Variants in BIRC3 observed in about 807,000 individuals in gnomAD.
BIRC3 encodes the protein baculoviral IAP repeat-containing protein 3.
In BIRC3, 26 loss-of-function variants were observed where a neutral mutation model predicts 59.0. That is an observed-to-expected ratio of 0.44 (90% confidence interval 0.32 to 0.61). BIRC3 has a LOEUF of 0.61. Among genes scored for constraint, BIRC3 ranks in the 20% least tolerant of loss-of-function variants. The probability of loss-of-function intolerance (pLI) is 0.04; values close to 1 mark genes in which losing one functional copy is unlikely to be tolerated. For synonymous variants in BIRC3, 243 were observed against 249.2 expected (o/e 0.98, Z 0.24); for missense variants, 641 against 711.5 (o/e 0.90, Z 1.13).
At chr11:102,331,455 T>C (rs1271157828) in intron 6 of BIRC3, among the ~76,000 whole-genome samples, 2 of 152,210 alleles carry the variant, frequency 1.3e-5, no homozygotes, top group Admixed American at 6.5e-5. Flanking sequence ...TGTACAAAAG[T>C]ATTTTTCATG....
Position 102,324,168 on chromosome 11 carries a change from C to A in BIRC3, c.-342C>A. Reference sequence around the variant, plus strand: ...CTAGTAGCCTGGAGAAGTTGACCTACCTGTGGAGATGCCTGCCATTAAATG... The same window carrying A: ...CTAGTAGCCTGGAGAAGTTGACCTAACTGTGGAGATGCCTGCCATTAAATG... On this transcript the variant is annotated 5_prime_UTR_variant, in exon 2 of 9. It introduces an in-frame stop codon into an upstream open reading frame of the 5' UTR. Transcript: ENST00000263464. The A allele has an allele frequency of 4.1e-6, 1 of 241,350 alleles. No individual in the cohort carries two copies. The highest frequency in any genetic ancestry group is 6.2e-5 in the East Asian group (1 of 16,060). The allele number at this position is 241,350 out of a possible 1,614,324, so 15.0% of individuals were successfully genotyped here. A position where few individuals can be genotyped will look rare whatever the true frequency, so the allele number is the denominator to read the frequency against.
chr11:102,322,843 G>A lies in BIRC3; in HGVS notation c.-1667G>A, dbSNP rs544006888. On this transcript the variant is annotated 5_prime_UTR_variant, in exon 2 of 9. Transcript: ENST00000263464. ...CTTATTGGTCATTGCTAGTATTATC[G>A]ACTCAGAACCTCTTTACTAATGGCT... is the stretch of plus-strand genomic sequence containing the variant. 4.0e-4 allele frequency: 73 copies of A among 184,366 alleles called. No homozygotes were observed. The highest frequency in any genetic ancestry group is 3.2e-3 in the East Asian group (37 of 11,498). The allele number at this position is 184,366 out of a possible 1,614,324, so 11.4% of individuals were successfully genotyped here.
At chr11:102,331,482 A>AT (rs897468833) in intron 6 of BIRC3, among the ~76,000 whole-genome samples, 5 of 151,824 alleles carry the variant, frequency 3.3e-5, no homozygotes, top group African/African-American at 1.2e-4. Flanking sequence ...CTTAATTCAT[A>AT]TTTTTTTCTC....
chr11:102,334,008 C>G (rs1951172079), intron 6 of BIRC3, among the ~76,000 whole-genome samples: 1 of 152,136 alleles, frequency 6.6e-6, no homozygotes, highest in South Asian at 2.1e-4. Context: ...GTCTTCTGAA[C>G]TTGCAAACCA....
Position 102,331,009 on chromosome 11 carries a change from T to C in BIRC3, c.1092T>C (p.Phe364=). 6.2e-7 allele frequency: 1 copy of C among 1,611,368 alleles called. No individual in the cohort carries two copies. Among genetic ancestry groups the C allele is most frequent in the South Asian group, 1.1e-5 (1 of 90,454 alleles). ...DENAESSIIH[F]EPGEDHSEDA... ...CTTTGTTCCATATAGTTATCCATTTTGAACCTGGAGAAGACCATTCAGAAG... is the reference window on the plus strand; with the variant it reads ...CTTTGTTCCATATAGTTATCCATTTCGAACCTGGAGAAGACCATTCAGAAG... Residue 364 remains phenylalanine (F), a synonymous_variant, in exon 6 of 9, where the codon TTT becomes TTC. Coordinates refer to ENST00000263464, the MANE Select transcript of BIRC3 (RefSeq NM_001165.5).
In BIRC3 at chr11:102,324,772, A is replaced by T. The variant is rs1257297950; in HGVS notation, c.263A>T (p.Lys88Met). 3 of 1,614,100 alleles carry T rather than the reference A, an allele frequency of 1.9e-6. No individual in the cohort carries two copies. The highest frequency in any genetic ancestry group is 2.7e-5 in the African/African-American group (2 of 74,934). ...RGDSPTEKHKKLYPSCRFVQS... is the reference protein window; with the variant it reads ...RGDSPTEKHKMLYPSCRFVQS... ...GACAGTCCTACTGAAAAGCATAAAA[A>T]GTTGTATCCTAGCTGCAGATTCGTT... The change falls in exon 2 of 9, where the codon AAG (lysine) becomes ATG (methionine). Residue 88 changes from lysine (K) to methionine (M), a missense_variant. Transcript: ENST00000263464.
rs775787973 is a variant in BIRC3 at position 102,335,958 on chromosome 11, T to C, written c.1325-8T>C. On this transcript the variant is annotated splice_region_variant and splice_polypyrimidine_tract_variant and intron_variant, in intron 6 of 8. Coordinates refer to ENST00000263464, the MANE Select transcript of BIRC3 (RefSeq NM_001165.5). ...AACATGTTTATGCTTGTTTTCTTTT[T>C]TATAAAGATGATTTATTATTAATCC... 6.3e-6 allele frequency: 10 copies of C among 1,599,638 alleles called. No individual in the cohort carries two copies. The highest frequency in any genetic ancestry group is 6.0e-6 in the Non-Finnish European group (7 of 1,174,206).
rs1003530080 is a variant in BIRC3 at position 102,325,139 on chromosome 11, A to C, written c.630A>C (p.Gly210=). ...GDRVACFACG[G]KLSNWEPKDN... is the part of the protein sequence containing the mutation. ...GAGTGGCTTGCTTTGCCTGTGGTGG[A>C]AAATTGAGCAATTGGGAACCGAAGG... The change falls in exon 2 of 9, where the codon GGA becomes GGC. Residue 210 remains glycine (G), a synonymous_variant. Coordinates refer to ENST00000263464, the MANE Select transcript of BIRC3 (RefSeq NM_001165.5). 1 of 1,614,054 alleles carries C rather than the reference A, an allele frequency of 6.2e-7. No homozygotes were observed. Among genetic ancestry groups the C allele is most frequent in the Non-Finnish European group, 8.5e-7 (1 of 1,180,030 alleles).
rs556858303 is a variant in BIRC3 at position 102,322,616 on chromosome 11, A to G, written c.-1894A>G. The G allele has an allele frequency of 1.4e-5, 3 of 207,508 alleles. No homozygotes were observed. Among genetic ancestry groups the G allele is most frequent in the Non-Finnish European group, 2.9e-5 (3 of 101,768 alleles). 12.9% of individuals were successfully genotyped at this position (207,508 alleles called of 1,614,324 possible). A position where few individuals can be genotyped will look rare whatever the true frequency, so the allele number is the denominator to read the frequency against. ...ATGTGTAAAATTTTTGGCCAGGGAA[A>G]GGAATATTGAAGTTAGATACAATTA... On this transcript the variant is annotated 5_prime_UTR_variant, in exon 2 of 9. Transcript: ENST00000263464.
At chr11:102,335,351 T>A (rs574476601) in intron 6 of BIRC3, among the ~76,000 whole-genome samples, 38 of 152,392 alleles carry the variant, frequency 2.5e-4, no homozygotes, top group Admixed American at 5.2e-4. Flanking sequence ...CTAGATTGAA[T>A]TGAAACGTCA....
chr11:102,318,546 C>T (rs1471836962), intron 1 of BIRC3, among the ~76,000 whole-genome samples: 2 of 152,156 alleles, frequency 1.3e-5, no homozygotes, highest in East Asian at 3.8e-4. Context: ...TTAATAGTTG[C>T]CATTCTAAAA....
chr11:102,317,610 CGT>C (rs140094766), intron 1 of BIRC3, 39 bp downstream of exon 1: 50 of 149,344 alleles, frequency 3.3e-4, no homozygotes, highest in South Asian at 1.0e-3. Context: ...TGTGTGTGTG[CGT>C]GTGTGTGTGT....
chr11:102,326,858 G>A (rs567990177), intron 3 of BIRC3: 92 of 437,944 alleles, frequency 2.1e-4, no homozygotes, highest in South Asian at 1.4e-3. Context: ...ACAGGTGCAC[G>A]CTAGCATGCC....
At chr11:102,318,195 G>A (rs1950993266) in intron 1 of BIRC3, among the ~76,000 whole-genome samples, 1 of 152,156 alleles carries the variant, frequency 6.6e-6, no homozygotes, top group African/African-American at 2.4e-5. Flanking sequence ...GACTTTACAT[G>A]TATTTTTCAC....
In BIRC3 at chr11:102,321,074, A is replaced by G. The variant is rs111261302; in HGVS notation, c.-2673-763A>G. ...AAAAATACTGTGGTCCAAGAAAAAA[A>G]TGGATTTGGAAACTGGATTAAATTC... On this transcript the variant is annotated intron_variant, in intron 1 of 8. Coordinates refer to ENST00000263464, the MANE Select transcript of BIRC3 (RefSeq NM_001165.5). Among the ~76,000 whole-genome samples, 290 of 152,346 alleles carry G rather than the reference A, an allele frequency of 1.9e-3. 1 individual carries two copies. Among genetic ancestry groups the G allele is most frequent in the Middle Eastern group, 3.4e-3 (1 of 294 alleles).
intron 7 of BIRC3, 57 bp from the exon 8 acceptor site, chr11:102,336,703 C>T (rs1271447082): frequency 5.3e-6 from 8 of 1,508,430 alleles, no homozygotes; most frequent in Non-Finnish European, 7.3e-6. Context: ...AAATAGATTC[C>T]ATAGCTAAAT....
chr11:102,334,835 T>C (rs1350069032), intron 6 of BIRC3, among the ~76,000 whole-genome samples: 2 of 152,214 alleles, frequency 1.3e-5, no homozygotes, highest in African/African-American at 4.8e-5. Flanking sequence ...ATAGGGTTTA[T>C]TATTCAAAAT....
Position 102,336,200 on chromosome 11 carries a change from T to C in BIRC3, c.1559T>C (p.Val520Ala). Reference protein sequence around the residue: ...FRNSLQEAEAVLYEHLFVQQD... With the variant: ...FRNSLQEAEAALYEHLFVQQD... ...AACTCTCTGCAAGAAGCTGAAGCTG[T>C]GTTATATGAGCATTTATTTGGTGAG... Residue 520 changes from valine (V) to alanine (A), a missense_variant, in exon 7 of 9, where the codon GTG becomes GCG. Val to Ala is a moderately conservative substitution (Grantham distance 64). Coordinates refer to ENST00000263464, the MANE Select transcript of BIRC3 (RefSeq NM_001165.5). The C allele has an allele frequency of 6.2e-7, 1 of 1,603,456 alleles. No individual in the cohort carries two copies. Among genetic ancestry groups the C allele is most frequent in the Non-Finnish European group, 8.5e-7 (1 of 1,175,286 alleles).
chr11:102,328,876 A>ATT, intron 4 of BIRC3, 21 bp from the exon 5 acceptor site: 2 of 649,348 alleles, frequency 3.1e-6, no homozygotes, highest in East Asian at 6.6e-5. Context: ...ATATATATAT[A>ATT]TATATTTTTT....
Sources: gnomAD v4.1 joint callset for allele counts (sites outside exome capture counted in the v4.1 genomes callset) on GRCh38, gnomAD v4.1.1 for gene constraint, MANE v1.5 for transcripts, NCBI Gene and HGNC (gene_info 2026-07-23, HGNC 2026-07-21) for gene names.